Variants in TRPM4 observed in about 807,000 individuals in gnomAD.
TRPM4 encodes transient receptor potential cation channel subfamily M member 4.
In TRPM4, 124 loss-of-function variants were observed where a neutral mutation model predicts 135.6. That is an observed-to-expected ratio of 0.91 (90% confidence interval 0.79 to 1.06). TRPM4 has a LOEUF of 1.06. Among genes scored for constraint, TRPM4 ranks in the 50% least tolerant of loss-of-function variants. TRPM4 has a pLI of 0.00. For missense variants in TRPM4, 1,658 were observed against 1,671.4 expected (o/e 0.99, Z 0.14); for synonymous variants, 745 against 705.6 (o/e 1.06, Z -0.88).
intron 18 of TRPM4, 35 bp from the exon 19 acceptor site, chr19:49,200,576 A>C (rs1361022950): frequency 3.1e-6 from 5 of 1,607,090 alleles, no homozygotes; most frequent in Non-Finnish European, 4.2e-6. Flanking sequence ...AGAGTAGGAA[A>C]GGGCGGGGCC....
chr19:49,159,024 G>GTTTTTTT (rs60811573), intron 2 of TRPM4: 3 of 83,668 alleles, frequency 3.6e-5, no homozygotes, highest in Admixed American at 1.4e-4. Context: ...AGGCTTTCTA[G>GTTTTTTT]TTTTTTTTTT....
intron 6 of TRPM4, among the ~76,000 whole-genome samples, chr19:49,169,405 C>G (rs1300905783): frequency 6.8e-6 from 1 of 147,232 alleles, no homozygotes; most frequent in Non-Finnish European, 1.5e-5. Context: ...CTGCCTCAGA[C>G]TCCTGAGTAG....
chr19:49,190,717 A>C lies in TRPM4; in HGVS notation c.2154A>C (p.Thr718=), dbSNP rs370827464. ...ITFRKSEEEP[T]REELEFDMDS... ...CTAGGAAATCAGAAGAGGAGCCCAC[A>C]CGGGAGGAGCTAGAGTTTGACATGG... Residue 718 remains threonine (T), a synonymous_variant, in exon 16 of 25, where the codon ACA becomes ACC. Transcript: ENST00000252826. 3 of 1,613,960 alleles carry C rather than the reference A, an allele frequency of 1.9e-6. 1 individual carries two copies. The highest frequency in any genetic ancestry group is 1.1e-5 in the South Asian group (1 of 91,080).
Position 49,188,670 on chromosome 19 carries a change from G to C in TRPM4, c.1773G>C (p.Gly591=). The change falls in exon 13 of 25, where the codon GGG becomes GGC. Residue 591 remains glycine (G), a synonymous_variant. Coordinates refer to ENST00000252826, the MANE Select transcript of TRPM4 (RefSeq NM_017636.4). The part of the protein sequence containing the change: ...MGSNAVSSAL[G]ACLLLRVMAR... ...CCAATGCAGTTTCCTCAGCTCTTGG[G>C]GCCTGTTTGCTGCTCCGGGTGATGG... 6.2e-7 allele frequency: 1 copy of C among 1,614,112 alleles called. No homozygotes were observed. The highest frequency in any genetic ancestry group is 8.5e-7 in the Non-Finnish European group (1 of 1,180,040).
At chr19:49,208,150 C>T (rs937709169) in intron 20 of TRPM4, among the ~76,000 whole-genome samples, 1 of 152,056 alleles carries the variant, frequency 6.6e-6, no homozygotes, top group African/African-American at 2.4e-5. Context: ...ACTAATTTTG[C>T]TACTGCTATC....
chr19:49,157,961 G>A (rs942676785), intron 1 of TRPM4, 71 bp downstream of exon 1: 15 of 1,492,746 alleles, frequency 1.0e-5, no homozygotes, highest in Admixed American at 2.0e-5. Flanking sequence ...AGAGAGGAGG[G>A]CGCTGGACAC....
At chr19:49,208,407 C>T (rs186123343) in intron 20 of TRPM4, among the ~76,000 whole-genome samples, 2 of 152,160 alleles carry the variant, frequency 1.3e-5, no homozygotes, top group African/African-American at 4.8e-5. Flanking sequence ...ACCTCTAGAC[C>T]ACGGTCCGCT....
chr19:49,175,090 TTTGA>T (rs1335354151), intron 9 of TRPM4, among the ~76,000 whole-genome samples: 1 of 124,190 alleles, frequency 8.1e-6, no homozygotes, highest in African/African-American at 2.8e-5. Flanking sequence ...TTTTTTTTTT[TTTGA>T]GACGGAGTTT....
At chr19:49,167,267 CT>C (rs1967239531) in intron 3 of TRPM4, among the ~76,000 whole-genome samples, 5 of 96,502 alleles carry the variant, frequency 5.2e-5, no homozygotes, top group African/African-American at 2.1e-4. Flanking sequence ...CTCTGTCCCT[CT>C]CTCTCTGGGT....
At chr19:49,187,523 A>T (rs1370943298) in intron 12 of TRPM4, among the ~76,000 whole-genome samples, 1 of 151,998 alleles carries the variant, frequency 6.6e-6, no homozygotes, top group Non-Finnish European at 1.5e-5. Context: ...TAAAAAAAAA[A>T]AAATTTTGTA....
intron 16 of TRPM4, among the ~76,000 whole-genome samples, chr19:49,195,103 C>T (rs1036326009): frequency 2.0e-5 from 3 of 151,888 alleles, no homozygotes; most frequent in African/African-American, 7.3e-5. Flanking sequence ...CTTTATTGAG[C>T]TGTAATCCAC....
chr19:49,200,810 C>A, intron 19 of TRPM4, 25 bp downstream of exon 19: 1 of 1,612,578 alleles, frequency 6.2e-7, no homozygotes, highest in Non-Finnish European at 8.5e-7. Context: ...GGCCTGACAG[C>A]CTTCCTCTGA....
chr19:49,163,476 G>A lies in TRPM4; in HGVS notation c.93-2565G>A, dbSNP rs1600393633. Among the ~76,000 whole-genome samples, 4 of 151,950 alleles carry A rather than the reference G, an allele frequency of 2.6e-5. No individual in the cohort carries two copies. The East Asian group carries it at 7.7e-4, about 29-fold the overall frequency. On this transcript the variant is annotated intron_variant, in intron 2 of 24. Coordinates refer to ENST00000252826, the MANE Select transcript of TRPM4 (RefSeq NM_017636.4). ...CCCAAAGTGCTGGGATTACAGTCATGAGCCACCATGCCCGGCCTTATTTCT... is the reference window on the plus strand; with the variant it reads ...CCCAAAGTGCTGGGATTACAGTCATAAGCCACCATGCCCGGCCTTATTTCT...
intron 20 of TRPM4, among the ~76,000 whole-genome samples, chr19:49,205,229 C>T (rs1416428613): frequency 2.0e-5 from 3 of 152,056 alleles, no homozygotes; most frequent in Non-Finnish European, 4.4e-5. Context: ...TCAAGGCATC[C>T]GTCAAGCTGT....
chr19:49,185,114 T>C (rs1283444069), intron 12 of TRPM4, among the ~76,000 whole-genome samples: 1 of 152,170 alleles, frequency 6.6e-6, no homozygotes, highest in Non-Finnish European at 1.5e-5. Flanking sequence ...TTCGAGCATA[T>C]TTAAGACAAT....
At chr19:49,193,080 G>GGTTTTT (rs544387196) in intron 16 of TRPM4, among the ~76,000 whole-genome samples, 10 of 132,796 alleles carry the variant, frequency 7.5e-5, no homozygotes, top group East Asian at 6.5e-4. Flanking sequence ...AAATCAGTTG[G>GGTTTTT]TTTTTTTTTT....
intron 9 of TRPM4, among the ~76,000 whole-genome samples, chr19:49,173,735 G>C (rs752630646): frequency 7.2e-5 from 11 of 151,994 alleles, no homozygotes; most frequent in Non-Finnish European, 1.6e-4. Flanking sequence ...ACGGCTCAGT[G>C]CAGCCTCAAC....
chr19:49,169,193 C>T (rs1408648953), intron 6 of TRPM4, among the ~76,000 whole-genome samples: 1 of 151,114 alleles, frequency 6.6e-6, no homozygotes, highest in South Asian at 2.1e-4. Flanking sequence ...AAGCAATACT[C>T]CATCTCAAAC....
intron 20 of TRPM4, among the ~76,000 whole-genome samples, chr19:49,203,268 C>T (rs1043098973): frequency 6.6e-6 from 1 of 152,042 alleles, no homozygotes; most frequent in African/African-American, 2.4e-5. Context: ...CAACCTCCAC[C>T]TCCCAGGTTC....
Sources: gnomAD v4.1 joint callset for allele counts (sites outside exome capture counted in the v4.1 genomes callset) on GRCh38, gnomAD v4.1.1 for gene constraint, MANE v1.5 for transcripts, NCBI Gene and HGNC (gene_info 2026-07-23, HGNC 2026-07-21) for gene names.